The following PTPN21 variants were observed in gnomAD, a reference collection of about 807,000 sequenced individuals.
PTPN21 encodes protein tyrosine phosphatase non-receptor type 21.
A neutral mutation model predicts 131.8 loss-of-function variants in PTPN21; 77 were observed. That is an observed-to-expected ratio of 0.58 (90% CI 0.49 to 0.71). The LOEUF is 0.71. Among genes scored for constraint, PTPN21 ranks in the 30% least tolerant of loss-of-function variants. The pLI is 0.00. For synonymous variants in PTPN21, 715 were observed against 621.3 expected (o/e 1.15, Z -2.24); for missense variants, 1,552 against 1,527.1 (o/e 1.02, Z -0.27).
intron 2 of PTPN21, among the ~76,000 whole-genome samples, chr14:88,529,921 G>A (rs2078530841): frequency 6.6e-6 from 1 of 151,710 alleles, no homozygotes; most frequent in Non-Finnish European, 1.5e-5. Context: ...GGTGGAGGTA[G>A]CAGTGAGCCA....
chr14:88,475,570 T>G (rs1437284166), intron 13 of PTPN21, among the ~76,000 whole-genome samples: 2 of 152,198 alleles, frequency 1.3e-5, no homozygotes, highest in Non-Finnish European at 2.9e-5. Flanking sequence ...AAACACTTCC[T>G]GCTTAGGCTG....
At chr14:88,552,835 C>T (rs2078885859) in intron 1 of PTPN21, among the ~76,000 whole-genome samples, 1 of 152,086 alleles carries the variant, frequency 6.6e-6, no homozygotes, top group Non-Finnish European at 1.5e-5. Flanking sequence ...AAATAATAAG[C>T]TTTTAACTAG....
intron 2 of PTPN21, among the ~76,000 whole-genome samples, chr14:88,546,092 T>G (rs1415538514): frequency 6.6e-6 from 1 of 151,974 alleles, no homozygotes; most frequent in Non-Finnish European, 1.5e-5. Flanking sequence ...ATTGGATACA[T>G]GTATATTAAC....
intron 2 of PTPN21, among the ~76,000 whole-genome samples, chr14:88,518,700 G>C (rs1410875744): frequency 6.6e-6 from 1 of 151,042 alleles, no homozygotes; most frequent in Non-Finnish European, 1.5e-5. Context: ...CAAAGTGCTA[G>C]GATTATAGGC....
In PTPN21 at chr14:88,524,491, G is replaced by A. The variant is rs563859393; in HGVS notation, c.181-7230C>T. Among the ~76,000 whole-genome samples, 24 of 152,184 alleles carry A rather than the reference G, an allele frequency of 1.6e-4. No homozygotes were observed. The East Asian group carries it at 1.7e-3, about 11-fold the overall frequency. On this transcript the variant is annotated intron_variant, in intron 2 of 18. Coordinates refer to ENST00000556564, the MANE Select transcript of PTPN21 (RefSeq NM_007039.4). ...ATTAAGTAAATATAAGAAGCGACCC[G>A]TAAAATAGTTTAGAAGAAAACATTA...
intron 1 of PTPN21, chr14:88,551,655 C>G (rs1255795057): frequency 6.6e-6 from 1 of 152,302 alleles, no homozygotes; most frequent in Non-Finnish European, 1.5e-5. Flanking sequence ...CGCTTTGGAG[C>G]CACAGGACCT....
intron 3 of PTPN21, among the ~76,000 whole-genome samples, chr14:88,509,349 C>T (rs1012981916): frequency 1.3e-5 from 2 of 152,160 alleles, no homozygotes; most frequent in Non-Finnish European, 2.9e-5. Context: ...TGAAGTGCAA[C>T]CCAGTTACAG....
rs2078905549 is a variant in PTPN21, at chr14:88,554,967, G to A, written c.-519C>T. Reference sequence around the variant, plus strand: ...ACGGACAGACCGTCGGACCGACGCGGGACGCGCGGCCGGAGCAGCGGGGCG... The same window carrying A: ...ACGGACAGACCGTCGGACCGACGCGAGACGCGCGGCCGGAGCAGCGGGGCG... On this transcript the variant is annotated 5_prime_UTR_variant, in exon 1 of 19. Coordinates refer to ENST00000556564, the MANE Select transcript of PTPN21 (RefSeq NM_007039.4). 2.0e-5 allele frequency among the ~76,000 whole-genome samples: 3 copies of A among 151,218 alleles called. No individual in the cohort carries two copies. Among genetic ancestry groups the A allele is most frequent in the Non-Finnish European group, 4.4e-5 (3 of 67,708 alleles).
rs566711880 is a variant in PTPN21, at chr14:88,503,646, G to A, written c.587+779C>T. On this transcript the variant is annotated intron_variant, in intron 6 of 18. Transcript: ENST00000556564. ...TTGTGTTAGATGATTTTGCCCAACCGTATGCTAACATAAGTGTTCTGAGAA... is the reference window on the plus strand; with the variant it reads ...TTGTGTTAGATGATTTTGCCCAACCATATGCTAACATAAGTGTTCTGAGAA... Among the ~76,000 whole-genome samples, 16 of 152,228 alleles carry A rather than the reference G, an allele frequency of 1.1e-4. No homozygotes were observed. In the East Asian group the frequency reaches 1.2e-3, roughly 11 times the overall value.
chr14:88,528,540 A>G (rs995330206), intron 2 of PTPN21, among the ~76,000 whole-genome samples: 1 of 152,192 alleles, frequency 6.6e-6, no homozygotes, highest in Non-Finnish European at 1.5e-5. Context: ...CTGTGTCCTC[A>G]CCCAAATCTC....
chr14:88,470,754 G>A (rs2077450890), intron 15 of PTPN21, among the ~76,000 whole-genome samples: 1 of 152,224 alleles, frequency 6.6e-6, no homozygotes, highest in African/African-American at 2.4e-5. Flanking sequence ...AGCACCCAGT[G>A]GCTGCCACTG....
At chr14:88,547,315 C>T (rs1035093267) in intron 2 of PTPN21, among the ~76,000 whole-genome samples, 12 of 104,280 alleles carry the variant, frequency 1.2e-4, no homozygotes, top group South Asian at 3.3e-4. Flanking sequence ...AAAAAAAAGT[C>T]GAAGCAACCA....
rs1007919546 is a variant in PTPN21 at position 88,466,358 on chromosome 14, C to T, written c.*1779G>A. On this transcript the variant is annotated 3_prime_UTR_variant, in exon 19 of 19. Coordinates refer to ENST00000556564, the MANE Select transcript of PTPN21 (RefSeq NM_007039.4). ...TTTTCATTAATATCTTCTGAGTTTT[C>T]CTCTTAGGTGGTTGGTTTCTGGGTA... is the stretch of plus-strand genomic sequence containing the variant. 13 of 151,928 alleles carry T rather than the reference C, an allele frequency of 8.6e-5. No homozygotes were observed. The highest frequency in any genetic ancestry group is 3.1e-4 in the African/African-American group (13 of 41,350). The allele number at this position is 151,928 out of a possible 1,614,324, so 9.4% of individuals were successfully genotyped here. A position where few individuals can be genotyped will look rare whatever the true frequency, so the allele number is the denominator to read the frequency against.
intron 18 of PTPN21, 39 bp downstream of exon 18, chr14:88,468,877 T>G: frequency 6.2e-7 from 1 of 1,613,284 alleles, no homozygotes; most frequent in Non-Finnish European, 8.5e-7. Context: ...CCAGCCTCAT[T>G]TCCACCCAAA....
chr14:88,542,017 T>C (rs2078713627), intron 2 of PTPN21, among the ~76,000 whole-genome samples: 1 of 152,146 alleles, frequency 6.6e-6, no homozygotes, highest in Non-Finnish European at 1.5e-5. Context: ...AATTCTGTGT[T>C]TGCATCAGAT....
chr14:88,469,833 CT>C lies in PTPN21; in HGVS notation c.3000+88del. 1.2e-6 allele frequency: 2 copies of C among 1,605,538 alleles called. No individual in the cohort carries two copies. The highest frequency in any genetic ancestry group is 1.3e-5 in the African/African-American group (1 of 74,906). Reference sequence around the variant, plus strand: ...AAACAGAACCACAACCCTACCCTGCCTTTTTCTCCACAGGTCAGGATTCCAG... The same window carrying C: ...AAACAGAACCACAACCCTACCCTGCCTTTTCTCCACAGGTCAGGATTCCAG... On this transcript the variant is annotated intron_variant, in intron 16 of 18. Coordinates refer to ENST00000556564, the MANE Select transcript of PTPN21 (RefSeq NM_007039.4). This position sits in a 1 kb window ranked among gnomAD's most constrained non-coding sequence, Gnocchi z 4.3.
intron 7 of PTPN21, 45 bp from the exon 8 acceptor site, chr14:88,500,916 A>G (rs1321758478): frequency 1.5e-6 from 2 of 1,359,640 alleles, no homozygotes. Context: ...AAGCAGATGC[A>G]GAGGAACTGC....
At chr14:88,540,780 A>C (rs887257294) in intron 2 of PTPN21, among the ~76,000 whole-genome samples, 1 of 152,084 alleles carries the variant, frequency 6.6e-6, no homozygotes, top group Admixed American at 6.6e-5. Flanking sequence ...CTCCCACCTC[A>C]GCCTCTAGAG....
At chr14:88,496,851 C>A (rs2077924999) in intron 9 of PTPN21, among the ~76,000 whole-genome samples, 1 of 152,152 alleles carries the variant, frequency 6.6e-6, no homozygotes, top group Non-Finnish European at 1.5e-5. Context: ...GTCAAGAGAG[C>A]AAAAGCAAGT....
Sources: gnomAD v4.1 joint callset for allele counts (sites outside exome capture counted in the v4.1 genomes callset) on GRCh38, gnomAD v4.1.1 for gene constraint, Gnocchi (gnomAD v3.1) non-coding constraint, MANE v1.5 for transcripts, NCBI Gene and HGNC (gene_info 2026-07-23, HGNC 2026-07-21) for gene names.